The following MOCOS variants were observed in gnomAD, a reference collection of about 807,000 sequenced individuals.
MOCOS encodes the protein molybdenum cofactor sulfurase, also known as human molybdenum cofactor sulfurase.
Under a neutral mutation model 83.6 loss-of-function variants are expected in MOCOS, and 86 were observed. The ratio of observed to expected loss-of-function variants is 1.03; its 90% CI spans 0.86 to 1.23. The LOEUF (loss-of-function observed/expected upper bound fraction) is 1.23. Among genes scored for constraint, MOCOS ranks in the 50% most tolerant of loss-of-function variants. The pLI, the probability that MOCOS is intolerant of heterozygous loss-of-function variation, is 0.00. For missense variants in MOCOS, 1,120 were observed against 1,126.9 expected (o/e 0.99, Z 0.09); for synonymous variants, 445 against 434.7 (o/e 1.02, Z -0.29).
chr18:36,238,339 G>C (rs893618777), intron 9 of MOCOS, among the ~76,000 whole-genome samples: 18 of 151,024 alleles, frequency 1.2e-4, no homozygotes, highest in African/African-American at 3.4e-4. Flanking sequence ...TTGTGTCTTT[G>C]TTCTCGTTGG....
At chr18:36,220,532 C>A (rs1318011580) in intron 9 of MOCOS, among the ~76,000 whole-genome samples, 1 of 151,806 alleles carries the variant, frequency 6.6e-6, no homozygotes, top group Admixed American at 6.6e-5. Context: ...GGTAAAATAA[C>A]CTGAAAGTAA....
chr18:36,255,271 C>T (rs925512692), intron 11 of MOCOS, among the ~76,000 whole-genome samples: 1 of 152,096 alleles, frequency 6.6e-6, no homozygotes, highest in Non-Finnish European at 1.5e-5. Flanking sequence ...TTCGTTAGTG[C>T]AGTGTCACTC....
chr18:36,187,926 C>G (rs2091348195), intron 1 of MOCOS, among the ~76,000 whole-genome samples: 1 of 152,256 alleles, frequency 6.6e-6, no homozygotes, highest in African/African-American at 2.4e-5. Flanking sequence ...AGCCGTCTTC[C>G]CCTTTTCCCG....
intron 6 of MOCOS, among the ~76,000 whole-genome samples, chr18:36,210,232 T>C (rs1168472912): frequency 6.6e-6 from 1 of 152,170 alleles, no homozygotes; most frequent in Non-Finnish European, 1.5e-5. Flanking sequence ...GGAATCTTTT[T>C]CTCCACTTTT....
At chr18:36,219,454 G>A (rs981159512) in intron 8 of MOCOS, among the ~76,000 whole-genome samples, 7 of 152,110 alleles carry the variant, frequency 4.6e-5, no homozygotes, top group African/African-American at 1.4e-4. Context: ...AAAGGCAGGT[G>A]GATCACTTGA....
chr18:36,205,685 G>T (rs903449011), intron 6 of MOCOS, among the ~76,000 whole-genome samples: 1 of 152,290 alleles, frequency 6.6e-6, no homozygotes, highest in African/African-American at 2.4e-5. Context: ...GGATTCAATC[G>T]TTGGGTGTTT....
intron 7 of MOCOS, among the ~76,000 whole-genome samples, chr18:36,215,264 T>A (rs1334422127): frequency 6.6e-6 from 1 of 152,120 alleles, no homozygotes; most frequent in Non-Finnish European, 1.5e-5. Context: ...ATGAAGTATT[T>A]CTATTAAACT....
chr18:36,248,043 G>A lies in MOCOS; in HGVS notation c.1961-879G>A, dbSNP rs548651063. On this transcript the variant is annotated intron_variant, in intron 9 of 14. Coordinates refer to ENST00000261326, the MANE Select transcript of MOCOS (RefSeq NM_017947.4). ...GAACCTCAGTAGTGTTTTCCATGAT[G>A]GCTGTACTAATTCACATTCCTACCA... 2.0e-5 allele frequency among the ~76,000 whole-genome samples: 3 copies of A among 152,154 alleles called. No individual in the cohort carries two copies. The South Asian group carries it at 6.2e-4, about 32-fold the overall frequency.
At chr18:36,247,214 G>A (rs1248097604) in intron 9 of MOCOS, among the ~76,000 whole-genome samples, 2 of 152,182 alleles carry the variant, frequency 1.3e-5, no homozygotes, top group Non-Finnish European at 2.9e-5. Context: ...TGCCTCCCCA[G>A]CAGCACTGAG....
intron 14 of MOCOS, among the ~76,000 whole-genome samples, chr18:36,267,924 A>T (rs919041733): frequency 5.3e-5 from 8 of 152,336 alleles, no homozygotes; most frequent in East Asian, 3.9e-4. Context: ...AATTGGCCCA[A>T]TCCCCTAGCC....
intron 6 of MOCOS, among the ~76,000 whole-genome samples, chr18:36,209,451 C>A (rs892734751): frequency 6.6e-6 from 1 of 152,130 alleles, no homozygotes; most frequent in African/African-American, 2.4e-5. Context: ...AAGCAGTGTA[C>A]ACATTGTACC....
chr18:36,203,182 C>G lies in MOCOS; in HGVS notation c.1011C>G (p.Arg337=). ...ALKHGFDTLE[R]LTGGMENIKQ... is the part of the protein sequence containing the mutation. ...AACATGGATTTGACACCCTAGAGCG[C>G]CTCACAGGTCAGTGGACATTTCTAT... Residue 337 remains arginine, a synonymous_variant, in exon 5 of 15, where the codon CGC becomes CGG. Coordinates refer to ENST00000261326, the MANE Select transcript of MOCOS (RefSeq NM_017947.4). 6.2e-7 allele frequency: 1 copy of G among 1,613,906 alleles called. No individual in the cohort carries two copies. Among genetic ancestry groups the G allele is most frequent in the Non-Finnish European group, 8.5e-7 (1 of 1,179,814 alleles).
chr18:36,262,750 C>T lies in MOCOS; in HGVS notation c.2409+2575C>T, dbSNP rs1228212005. On this transcript the variant is annotated intron_variant, in intron 13 of 14. Transcript: ENST00000261326. ...CTGGGCTCAAGTGACGTGCTAGCCT[C>T]AGCCTCCCAGTGTTGGGATTATAGG... 2.6e-5 allele frequency among the ~76,000 whole-genome samples: 4 copies of T among 152,216 alleles called. No individual in the cohort carries two copies. In the East Asian group the frequency reaches 7.7e-4, roughly 29 times the overall value.
At chr18:36,249,777 A>G (rs9956544) in intron 10 of MOCOS, among the ~76,000 whole-genome samples, 2,724 of 152,248 alleles carry the variant, frequency 0.018, 97 homozygotes, top group African/African-American at 0.062. Context: ...AACCTGAACT[A>G]GCTGATGATT....
chr18:36,248,105 C>T (rs778572650), intron 9 of MOCOS, among the ~76,000 whole-genome samples: 8 of 152,110 alleles, frequency 5.3e-5, no homozygotes, highest in Non-Finnish European at 1.0e-4. Flanking sequence ...TGCATCCTCA[C>T]CAGCATTTGT....
intron 9 of MOCOS, among the ~76,000 whole-genome samples, chr18:36,223,116 T>C (rs1180052040): frequency 6.6e-6 from 1 of 152,226 alleles, no homozygotes; most frequent in East Asian, 1.9e-4. Context: ...TTGTGTATTT[T>C]TGTTTTTGTT....
intron 1 of MOCOS, among the ~76,000 whole-genome samples, chr18:36,188,385 C>G (rs1393068748): frequency 6.6e-6 from 1 of 152,256 alleles, no homozygotes; most frequent in Non-Finnish European, 1.5e-5. Context: ...TGCCTTTCCT[C>G]AGAGCGGAAC....
Position 36,257,079 on chromosome 18 carries a change from A to T in MOCOS, c.2270+6A>T. The T allele has an allele frequency of 6.2e-7, 1 of 1,608,368 alleles. No homozygotes were observed. The highest frequency in any genetic ancestry group is 1.7e-4 in the Middle Eastern group (1 of 6,046). On this transcript the variant is annotated splice_donor_region_variant and intron_variant, in intron 12 of 14. Coordinates refer to ENST00000261326, the MANE Select transcript of MOCOS (RefSeq NM_017947.4). ...CACCGGCAACTAAACACCAGGTAAGACCTCATACCTCGGGACTAGCAGACA... is the reference window on the plus strand; with the variant it reads ...CACCGGCAACTAAACACCAGGTAAGTCCTCATACCTCGGGACTAGCAGACA...
intron 11 of MOCOS, among the ~76,000 whole-genome samples, chr18:36,254,241 A>G (rs997784906): frequency 6.6e-6 from 1 of 152,090 alleles, no homozygotes; most frequent in Non-Finnish European, 1.5e-5. Flanking sequence ...TATATTCCTC[A>G]CTCATACTAA....
Sources: gnomAD v4.1 joint callset for allele counts (sites outside exome capture counted in the v4.1 genomes callset) on GRCh38, gnomAD v4.1.1 for gene constraint, MANE v1.5 for transcripts, NCBI Gene and HGNC (gene_info 2026-07-23, HGNC 2026-07-21) for gene names.